UPF3A: variants seen among roughly 807,000 people sequenced by gnomAD.
The protein encoded by UPF3A is regulator of nonsense transcripts 3A.
Under a neutral mutation model 53.5 loss-of-function variants are expected in UPF3A, and 42 were observed. The observed-to-expected ratio is 0.78, with a 90% CI of 0.61 to 1.01. The LOEUF (loss-of-function observed/expected upper bound fraction) is 1.01, where lower values mean the gene tolerates loss of function less well. Among genes scored for constraint, UPF3A ranks in the 50% least tolerant of loss-of-function variants. UPF3A has a pLI of 0.00. For synonymous variants in UPF3A, 237 were observed against 225.3 expected (o/e 1.05, Z -0.47); for missense variants, 575 against 598.0 (o/e 0.96, Z 0.40).
rs1256203812 is a variant in UPF3A at position 114,282,098 on chromosome 13, C to G, written c.285C>G (p.Asp95Glu). The G allele has an allele frequency of 2.3e-5, 36 of 1,577,202 alleles. No individual in the cohort carries two copies. The highest frequency in any genetic ancestry group is 2.8e-5 in the Non-Finnish European group (32 of 1,162,622). The change falls in exon 2 of 10, where the codon GAC becomes GAG. Residue 95 changes from aspartate (D) to glutamate (E), a missense_variant. Transcript: ENST00000375299. ...EEQLRPLPAH[D>E]YFEFFAADLS... is the part of the protein sequence containing the mutation. ...AGCTGCGCCCGCTGCCAGCACACGA[C>G]TACTTCGAGTTCTTCGCCGCCGACC...
At chr13:114,303,299 G>T (rs1470288567) in intron 9 of UPF3A, among the ~76,000 whole-genome samples, 3 of 152,204 alleles carry the variant, frequency 2.0e-5, no homozygotes, top group Admixed American at 2.0e-4. Context: ...TATTTTAGCA[G>T]TGGTGAATGG....
intron 3 of UPF3A, 185 bp downstream of exon 3, chr13:114,283,128 C>T: frequency 4.0e-6 from 2 of 496,208 alleles, no homozygotes; most frequent in Non-Finnish European, 3.6e-6. Context: ...CTCAAGCAAT[C>T]CTCCAGCCTC....
chr13:114,282,153 G>A (rs1424038633), intron 2 of UPF3A, 26 bp downstream of exon 2: 1 of 1,528,964 alleles, frequency 6.5e-7, no homozygotes, highest in South Asian at 1.2e-5. Context: ...AGGGGAGGAA[G>A]AGAGGGCGGA....
At chr13:114,302,173 C>T in intron 9 of UPF3A, 148 bp downstream of exon 9, 1 of 656,660 alleles carries the variant, frequency 1.5e-6, no homozygotes, top group Non-Finnish European at 2.3e-6. Flanking sequence ...AAAGTCAGAT[C>T]CCAGAGTGAG....
At chr13:114,282,484 C>A in intron 2 of UPF3A, 1 of 985,418 alleles carries the variant, frequency 1.0e-6, no homozygotes. Flanking sequence ...CTGTGGCCTC[C>A]ACGCTGGTGC....
chr13:114,286,690 GT>G (rs1021001195), intron 5 of UPF3A, 61 bp downstream of exon 5: 25 of 1,366,438 alleles, frequency 1.8e-5, no homozygotes, highest in Non-Finnish European at 2.3e-5. Flanking sequence ...GAGGATATAC[GT>G]TTTTTCTCTT....
intron 5 of UPF3A, chr13:114,287,335 AGATG>A (rs1259911594): frequency 6.6e-6 from 1 of 152,288 alleles, no homozygotes; most frequent in Middle Eastern, 3.1e-3. Flanking sequence ...CCACCCATCA[AGATG>A]GATGTACTTT....
chr13:114,286,681 AG>A (rs746425636), intron 5 of UPF3A, 52 bp downstream of exon 5: 17 of 1,429,394 alleles, frequency 1.2e-5, no homozygotes, highest in Non-Finnish European at 1.6e-5. Flanking sequence ...TTACTCGTAG[AG>A]GATATACGTT....
chr13:114,283,373 T>C (rs890230129), intron 3 of UPF3A: 1 of 153,154 alleles, frequency 6.5e-6, no homozygotes, highest in African/African-American at 2.4e-5. Flanking sequence ...TTATAAATTT[T>C]GATTATGTTA....
At chr13:114,291,944 C>A in intron 7 of UPF3A, 152 bp downstream of exon 7, 1 of 1,122,994 alleles carries the variant, frequency 8.9e-7, no homozygotes, top group Non-Finnish European at 1.2e-6. Flanking sequence ...ATCTTTCTTT[C>A]CATCCTACAG....
chr13:114,285,498 A>G (rs1421478612), intron 3 of UPF3A: 2 of 152,234 alleles, frequency 1.3e-5, no homozygotes, highest in African/African-American at 4.8e-5. Context: ...GCACAAAAAT[A>G]TCTCCCAGTT....
At chr13:114,284,326 C>T (rs763502536) in intron 3 of UPF3A, among the ~76,000 whole-genome samples, 1 of 151,930 alleles carries the variant, frequency 6.6e-6, no homozygotes, top group East Asian at 1.9e-4. Context: ...CATGCCACTG[C>T]ATCCCAGCCG....
rs56658734 is a variant in UPF3A at position 114,283,823 on chromosome 13, A to G, written c.421+880A>G. ...TTGTGTTCCTGGCTGTCAAGTTTGT[A>G]TACCTTTCACAGCAAGTTGTTTTCT... On this transcript the variant is annotated intron_variant, in intron 3 of 9. Transcript: ENST00000375299. 5,297 of 985,418 alleles carry G rather than the reference A, an allele frequency of 5.4e-3. 223 individuals are homozygous for G. In the African/African-American group the frequency reaches 0.087, roughly 16 times the overall value. The allele number at this position is 985,418 out of a possible 1,614,324, so 61.0% of individuals were successfully genotyped here.
chr13:114,300,189 T>G (rs545184127), intron 8 of UPF3A, among the ~76,000 whole-genome samples: 44 of 152,284 alleles, frequency 2.9e-4, no homozygotes, highest in African/African-American at 8.4e-4. Flanking sequence ...TACTATTCAT[T>G]TAATATTCTG....
intron 7 of UPF3A, among the ~76,000 whole-genome samples, chr13:114,294,380 C>T (rs562574373): frequency 5.9e-5 from 9 of 151,858 alleles, no homozygotes; most frequent in Admixed American, 3.9e-4. Flanking sequence ...GTGATCCTCC[C>T]GCCTCAGCCT....
intron 7 of UPF3A, among the ~76,000 whole-genome samples, chr13:114,296,107 A>G (rs778414746): frequency 6.6e-6 from 1 of 152,234 alleles, no homozygotes; most frequent in Non-Finnish European, 1.5e-5. Flanking sequence ...TCCAGGGGCC[A>G]GGCACAGTGG....
intron 2 of UPF3A, 45 bp from the exon 3 acceptor site, chr13:114,282,792 A>G (rs780372637): frequency 1.6e-5 from 25 of 1,571,014 alleles, no homozygotes; most frequent in African/African-American, 4.1e-5. Flanking sequence ...TTAATGGACT[A>G]TTGTATTTTT....
intron 9 of UPF3A, among the ~76,000 whole-genome samples, chr13:114,303,767 C>G (rs548516219): frequency 6.6e-6 from 1 of 152,242 alleles, no homozygotes; most frequent in East Asian, 1.9e-4. Flanking sequence ...GCCTAGGCAA[C>G]AAGAGTGTAA....
intron 5 of UPF3A, among the ~76,000 whole-genome samples, chr13:114,289,026 G>A (rs934789728): frequency 3.3e-5 from 5 of 151,970 alleles, no homozygotes; most frequent in African/African-American, 9.7e-5. Flanking sequence ...GGGCAGACAC[G>A]TGGCTCCTGC....
Sources: gnomAD v4.1 joint callset for allele counts (sites outside exome capture counted in the v4.1 genomes callset) on GRCh38, gnomAD v4.1.1 for gene constraint, MANE v1.5 for transcripts, NCBI Gene and HGNC (gene_info 2026-07-23, HGNC 2026-07-21) for gene names.